Variants in RTN1 observed in about 807,000 individuals in gnomAD.
RTN1 encodes the protein reticulon 1, also known as reticulon-1.
Under a neutral mutation model 65.5 loss-of-function variants are expected in RTN1, and 25 were observed. That is an observed-to-expected ratio of 0.38 (90% CI 0.28 to 0.53). The LOEUF (loss-of-function observed/expected upper bound fraction) is 0.53. Ranked by LOEUF, RTN1 falls within the 20% of genes least tolerant of loss-of-function variation. The probability of loss-of-function intolerance (pLI) is 0.79; values close to 1 mark genes in which losing one functional copy is unlikely to be tolerated. For synonymous variants in RTN1, 471 were observed against 447.6 expected (o/e 1.05, Z -0.66); for missense variants, 983 against 1,025.4 (o/e 0.96, Z 0.57).
At chr14:59,660,874 A>G (rs191364264) in intron 3 of RTN1, among the ~76,000 whole-genome samples, 1 of 152,304 alleles carries the variant, frequency 6.6e-6, no homozygotes, top group Admixed American at 6.5e-5. Context: ...AAGACAAGAA[A>G]TAACTAAGAT....
intron 1 of RTN1, among the ~76,000 whole-genome samples, chr14:59,795,487 GC>G (rs989253812): frequency 3.3e-5 from 5 of 152,106 alleles, no homozygotes; most frequent in African/African-American, 1.2e-4. Context: ...GATCACTTGA[GC>G]CCAGGAGTTC....
At chr14:59,672,882 C>T (rs1462843887) in intron 3 of RTN1, among the ~76,000 whole-genome samples, 1 of 151,490 alleles carries the variant, frequency 6.6e-6, no homozygotes, top group Non-Finnish European at 1.5e-5. Flanking sequence ...CCTCATGATC[C>T]ACCCGCCTCG....
In RTN1 at chr14:59,596,670, C is replaced by T; in HGVS notation, c.*75G>A. On this transcript the variant is annotated 3_prime_UTR_variant, in exon 9 of 9. Transcript: ENST00000267484. ...GGAGGGGGGAAAGACAATCAATTTG[C>T]AGTAATGAGTAAGAAGAGAGCTGTT... 9.1e-7 allele frequency: 1 copy of T among 1,097,294 alleles called. No homozygotes were observed. Among genetic ancestry groups the T allele is most frequent in the Non-Finnish European group, 1.4e-6 (1 of 710,028 alleles). 68.0% of individuals were successfully genotyped at this position (1,097,294 alleles called of 1,614,324 possible). A position where few individuals can be genotyped will look rare whatever the true frequency, so the allele number is the denominator to read the frequency against.
At chr14:59,651,165 A>C (rs2140199338) in intron 3 of RTN1, among the ~76,000 whole-genome samples, 1 of 152,186 alleles carries the variant, frequency 6.6e-6, no homozygotes, top group East Asian at 1.9e-4. Context: ...TGAAAAAAGC[A>C]TGGTCCTGGT....
At chr14:59,664,410 T>A (rs1386935273) in intron 3 of RTN1, among the ~76,000 whole-genome samples, 1 of 152,208 alleles carries the variant, frequency 6.6e-6, no homozygotes, top group Non-Finnish European at 1.5e-5. Context: ...GGCACGTATA[T>A]ACCTATGTAA....
intron 3 of RTN1, among the ~76,000 whole-genome samples, chr14:59,686,985 T>C (rs1385046571): frequency 6.6e-6 from 1 of 152,216 alleles, no homozygotes; most frequent in South Asian, 2.1e-4. Flanking sequence ...AGTTGGGTAG[T>C]GGCCTCTGCA....
chr14:59,785,277 G>T (rs1415655648), intron 1 of RTN1, among the ~76,000 whole-genome samples: 1 of 152,136 alleles, frequency 6.6e-6, no homozygotes, highest in Non-Finnish European at 1.5e-5. Context: ...AAACTCATCA[G>T]TGCTCAAGCT....
At chr14:59,619,910 T>G (rs1209631460) in intron 3 of RTN1, among the ~76,000 whole-genome samples, 1 of 151,942 alleles carries the variant, frequency 6.6e-6, no homozygotes, top group Non-Finnish European at 1.5e-5. Context: ...GGCACTGCTA[T>G]GAGTAGTGGG....
intron 1 of RTN1, among the ~76,000 whole-genome samples, chr14:59,814,108 G>T (rs1007986962): frequency 2.0e-5 from 3 of 152,152 alleles, no homozygotes; most frequent in Non-Finnish European, 4.4e-5. Context: ...TTATAGATTT[G>T]CTCTCATGCA....
chr14:59,690,467 AC>A (rs754675310), intron 3 of RTN1, among the ~76,000 whole-genome samples: 2 of 152,216 alleles, frequency 1.3e-5, no homozygotes, highest in Non-Finnish European at 2.9e-5. Context: ...TTCTAGACCT[AC>A]AAAAGACTTA....
chr14:59,769,292 T>C (rs1045126304), intron 1 of RTN1, among the ~76,000 whole-genome samples: 7 of 152,204 alleles, frequency 4.6e-5, no homozygotes, highest in African/African-American at 1.7e-4. Flanking sequence ...TATTAGCATA[T>C]GCACTTTGAG....
chr14:59,860,637 C>A (rs1887691969), intron 1 of RTN1, among the ~76,000 whole-genome samples: 1 of 152,194 alleles, frequency 6.6e-6, no homozygotes, highest in Non-Finnish European at 1.5e-5. Context: ...CACTCAATGC[C>A]AGCCTATGAA....
At chr14:59,776,825 CTTTCCAA>C (rs1886060283) in intron 1 of RTN1, among the ~76,000 whole-genome samples, 1 of 152,148 alleles carries the variant, frequency 6.6e-6, no homozygotes, top group Non-Finnish European at 1.5e-5. Flanking sequence ...CCAGGCTGTG[CTTTCCAA>C]CTCAGTTTAC....
chr14:59,782,942 A>T (rs1303041350), intron 1 of RTN1, among the ~76,000 whole-genome samples: 1 of 152,138 alleles, frequency 6.6e-6, no homozygotes, highest in Non-Finnish European at 1.5e-5. Context: ...CATTCTGTGG[A>T]GGCTGCAGGG....
At chr14:59,755,976 ATGTT>A (rs1419396508) in intron 1 of RTN1, among the ~76,000 whole-genome samples, 13 of 152,208 alleles carry the variant, frequency 8.5e-5, no homozygotes, top group African/African-American at 3.1e-4. Context: ...TGCAAAATTA[ATGTT>A]TAATAAAAAT....
intron 1 of RTN1, among the ~76,000 whole-genome samples, chr14:59,777,828 A>C (rs28719629): frequency 0.43 from 64,013 of 149,622 alleles, 14,671 homozygotes; most frequent in African/African-American, 0.6. Context: ...ACAACAAAAA[A>C]AAAAAACAAA....
intron 3 of RTN1, among the ~76,000 whole-genome samples, chr14:59,634,701 A>T (rs886157594): frequency 2.0e-5 from 3 of 152,228 alleles, no homozygotes; most frequent in Non-Finnish European, 4.4e-5. Context: ...ATAAATAGAT[A>T]AATGCAATAA....
chr14:59,840,628 T>C (rs529719704), intron 1 of RTN1, among the ~76,000 whole-genome samples: 7 of 152,340 alleles, frequency 4.6e-5, no homozygotes, highest in East Asian at 3.9e-4. Flanking sequence ...CTTTCACTTG[T>C]ATAATAATTC....
rs1223903945 is a variant in RTN1 at position 59,825,854 on chromosome 14, C to T, written c.241+44536G>A. ...TTAGTGACTGAACTCAGACCAGGAGCCTATAACCTCGTTACAGGCCACTCA... is the reference window on the plus strand; with the variant it reads ...TTAGTGACTGAACTCAGACCAGGAGTCTATAACCTCGTTACAGGCCACTCA... On this transcript the variant is annotated intron_variant, in intron 1 of 8. Transcript: ENST00000267484. This position sits in a 1 kb window ranked among gnomAD's most constrained non-coding sequence, Gnocchi z 4.2. Among the ~76,000 whole-genome samples the T allele has an allele frequency of 6.6e-6, 1 of 152,180 alleles. No individual in the cohort carries two copies. The highest frequency in any genetic ancestry group is 1.5e-5 in the Non-Finnish European group (1 of 68,028).
Sources: gnomAD v4.1 joint callset for allele counts (sites outside exome capture counted in the v4.1 genomes callset) on GRCh38, gnomAD v4.1.1 for gene constraint, Gnocchi (gnomAD v3.1) non-coding constraint, MANE v1.5 for transcripts, NCBI Gene and HGNC (gene_info 2026-07-23, HGNC 2026-07-21) for gene names.